The following GPR137C variants were observed in gnomAD, a reference collection of about 807,000 sequenced individuals.
GPR137C encodes the protein G protein-coupled receptor 137C, also known as integral membrane protein GPR137C.
GPR137C carries 27 observed loss-of-function variants against 43.4 expected under a neutral mutation model. That is an observed-to-expected ratio of 0.62 (90% confidence interval 0.46 to 0.86). The LOEUF is 0.86. GPR137C is among the 40% of genes least tolerant of loss of function. The probability of loss-of-function intolerance (pLI) is 0.00; values close to 1 mark genes in which losing one functional copy is unlikely to be tolerated. For missense variants in GPR137C, 522 were observed against 534.6 expected, an observed-to-expected ratio of 0.98 and a Z score of 0.23; for synonymous variants, 285 against 226.9, an observed-to-expected ratio of 1.26 and a Z score of -2.30.
At chr14:52,591,407 C>T (rs1405912408) in intron 1 of GPR137C, among the ~76,000 whole-genome samples, 2 of 152,222 alleles carry the variant, frequency 1.3e-5, no homozygotes, top group Non-Finnish European at 2.9e-5. Context: ...AATCGCCACA[C>T]TGTCTTCCAC....
At chr14:52,608,521 TAA>T (rs779590308) in intron 3 of GPR137C, among the ~76,000 whole-genome samples, 18 of 152,326 alleles carry the variant, frequency 1.2e-4, no homozygotes, top group Non-Finnish European at 1.8e-4. Context: ...AGTAAATATA[TAA>T]GTGGTTTATG....
At chr14:52,615,579 C>A (rs2039089837) in intron 3 of GPR137C, among the ~76,000 whole-genome samples, 1 of 149,358 alleles carries the variant, frequency 6.7e-6, no homozygotes, top group Admixed American at 6.7e-5. Flanking sequence ...AATATTGATT[C>A]TTCCAATCCA....
At chr14:52,625,833 C>G (rs906470240) in intron 3 of GPR137C, among the ~76,000 whole-genome samples, 5 of 151,858 alleles carry the variant, frequency 3.3e-5, no homozygotes, top group African/African-American at 1.2e-4. Flanking sequence ...GAATTACAGG[C>G]GTGAGCCACT....
At chr14:52,576,108 A>T (rs2038547249) in intron 1 of GPR137C, among the ~76,000 whole-genome samples, 1 of 152,204 alleles carries the variant, frequency 6.6e-6, no homozygotes, top group Non-Finnish European at 1.5e-5. Flanking sequence ...CATTGTTAGC[A>T]TAAACTATTT....
chr14:52,621,417 A>T (rs1440042863), intron 3 of GPR137C, among the ~76,000 whole-genome samples: 2 of 151,904 alleles, frequency 1.3e-5, no homozygotes, highest in Admixed American at 1.3e-4. Context: ...AATGCCAAGA[A>T]AATTCTACAG....
chr14:52,589,071 T>C (rs1344136566), intron 1 of GPR137C, among the ~76,000 whole-genome samples: 1 of 152,228 alleles, frequency 6.6e-6, no homozygotes, highest in Non-Finnish European at 1.5e-5. Context: ...AAGGACATTC[T>C]GACACATGCT....
chr14:52,617,647 C>A (rs1594804852), intron 3 of GPR137C, among the ~76,000 whole-genome samples: 1 of 152,272 alleles, frequency 6.6e-6, no homozygotes, highest in East Asian at 1.9e-4. Flanking sequence ...CCACCGCACT[C>A]CAGCCTGGGC....
chr14:52,613,123 G>T (rs1222334027), intron 3 of GPR137C: 1 of 151,892 alleles, frequency 6.6e-6, no homozygotes, highest in Non-Finnish European at 1.5e-5. Flanking sequence ...GCGGGTGCCT[G>T]TAGTCCCAGC....
chr14:52,598,246 ATT>A, intron 1 of GPR137C, 24 bp from the exon 2 acceptor site: 7 of 985,534 alleles, frequency 7.1e-6, no homozygotes, highest in African/African-American at 1.7e-5. Context: ...CGTTTTCAAA[ATT>A]TTTTTTTTAT....
chr14:52,590,229 A>G (rs188779502), intron 1 of GPR137C, among the ~76,000 whole-genome samples: 3 of 151,812 alleles, frequency 2.0e-5, no homozygotes, highest in Admixed American at 2.0e-4. Flanking sequence ...AGTAAAAAAT[A>G]AAAATGAAAA....
At chr14:52,592,660 G>T (rs1400375448) in intron 1 of GPR137C, among the ~76,000 whole-genome samples, 2 of 152,182 alleles carry the variant, frequency 1.3e-5, no homozygotes, top group South Asian at 2.1e-4. Flanking sequence ...AGGAATGCTT[G>T]TGATTTTTGC....
chr14:52,577,136 A>G lies in GPR137C; in HGVS notation c.445-21136A>G, dbSNP rs952240413. ...CGGGGGGCGGAGGTTGCAATAAGCC[A>G]AATTCGTGCCACTGCACTCCAGCCT... On this transcript the variant is annotated intron_variant, in intron 1 of 6. Transcript: ENST00000321662. 2.1e-5 allele frequency among the ~76,000 whole-genome samples: 3 copies of G among 144,652 alleles called. No homozygotes were observed. The Admixed American group carries it at 2.1e-4, about 10-fold the overall frequency. 94.9% of individuals were successfully genotyped at this position (144,652 alleles called of 152,430 possible).
intron 3 of GPR137C, among the ~76,000 whole-genome samples, chr14:52,628,721 G>A (rs1021781475): frequency 7.9e-5 from 12 of 152,220 alleles, no homozygotes; most frequent in Admixed American, 1.3e-4. Context: ...ACTTGAACCC[G>A]GTAGACAGAG....
intron 2 of GPR137C, among the ~76,000 whole-genome samples, 157 bp downstream of exon 2, chr14:52,598,472 A>C (rs1219782623): frequency 6.6e-6 from 1 of 152,174 alleles, no homozygotes; most frequent in African/African-American, 2.4e-5. Context: ...AGTTTTATAG[A>C]AAACCAAGTT....
intron 1 of GPR137C, among the ~76,000 whole-genome samples, chr14:52,583,014 A>G (rs2139488019): frequency 6.6e-6 from 1 of 152,280 alleles, no homozygotes; most frequent in South Asian, 2.1e-4. Context: ...TTTGACAGCC[A>G]TTAACCCTTA....
chr14:52,598,417 A>G, intron 2 of GPR137C, 102 bp downstream of exon 2: 1 of 494,726 alleles, frequency 2.0e-6, no homozygotes, highest in Non-Finnish European at 3.6e-6. Flanking sequence ...TTTTAATAGT[A>G]GACTTCTCGT....
chr14:52,630,834 G>A (rs894263981), intron 3 of GPR137C, among the ~76,000 whole-genome samples: 1 of 152,090 alleles, frequency 6.6e-6, no homozygotes, highest in African/African-American at 2.4e-5. Flanking sequence ...GTAACATAAA[G>A]AGGAAATAAA....
intron 1 of GPR137C, among the ~76,000 whole-genome samples, chr14:52,562,997 C>T (rs1301038528): frequency 3.3e-5 from 5 of 152,184 alleles, no homozygotes; most frequent in Admixed American, 2.6e-4. Flanking sequence ...ACTTCTCCAG[C>T]TTCTCTAATC....
At position 52,633,866 on chromosome 14, in the gene GPR137C, C is replaced by T. The variant is rs748245460; in HGVS notation, c.1032C>T (p.Ser344=). The change falls in exon 6 of 7, where the codon TCC becomes TCT. Residue 344 remains serine, a synonymous_variant. Transcript: ENST00000321662. The stretch of plus-strand genomic sequence containing the variant: ...TGATAAATAGTCACAGTTATAGTTC[C>T]AGAGCTTACTTTTTCGACAATCCAA... ...AGMINSHSYS[S]RAYFFDNPRR... is the part of the protein sequence containing the mutation. 10 of 1,612,650 alleles carry T rather than the reference C, an allele frequency of 6.2e-6. No homozygotes were observed. The African/African-American group carries it at 1.3e-4, about 22-fold the overall frequency.
Sources: gnomAD v4.1 joint callset for allele counts (sites outside exome capture counted in the v4.1 genomes callset) on GRCh38, gnomAD v4.1.1 for gene constraint, MANE v1.5 for transcripts, NCBI Gene and HGNC (gene_info 2026-07-23, HGNC 2026-07-21) for gene names.